Variants in TTN observed in about 807,000 individuals in gnomAD.
TTN encodes titin.
Under a neutral mutation model 3,223.0 loss-of-function variants are expected in TTN, and 1,525 were observed. The ratio of observed to expected loss-of-function variants is 0.47; its 90% CI spans 0.45 to 0.49. The LOEUF (loss-of-function observed/expected upper bound fraction) is 0.49, where lower values mean the gene tolerates loss of function less well. Ranked by LOEUF, TTN falls within the 20% of genes least tolerant of loss-of-function variation. The pLI, the probability that TTN is intolerant of heterozygous loss-of-function variation, is 0.00. For synonymous variants in TTN, 14,094 were observed against 15,161.0 expected (o/e 0.93, Z 5.17); for missense variants, 40,786 against 43,424.0 (o/e 0.94, Z 5.40).
At position 178,607,889 on chromosome 2, in the gene TTN, TC is replaced by T; in HGVS notation, c.52897del (p.Glu17633LysfsTer12). 6.2e-7 allele frequency: 1 copy of T among 1,613,058 alleles called. No homozygotes were observed. Among genetic ancestry groups the T allele is most frequent in the Non-Finnish European group, 8.5e-7 (1 of 1,179,330 alleles). On this transcript the variant is annotated frameshift_variant, in exon 276 of 363. Transcript: ENST00000589042. LOFTEE classifies it high-confidence loss of function. ...TTTGTAATCAGCACCCTCTCGGATT[TC>T]TTTGACGGTGTACTGACGGACCTTG... ...MIKVRQYTVK[E>X]IREGADYKLR...
rs2048289282 is a variant in TTN at position 178,583,673 on chromosome 2, T to A, written c.65509A>T (p.Arg21837Trp). 6.2e-7 allele frequency: 1 copy of A among 1,612,248 alleles called. No individual in the cohort carries two copies. Among genetic ancestry groups the A allele is most frequent in the Non-Finnish European group, 8.5e-7 (1 of 1,179,154 alleles). Reference sequence around the variant, plus strand: ...GGTGGGCTAATGTTTACCGCGGTCCTGGCAATAGCTCTAAATTGATACTGA... The same window carrying A: ...GGTGGGCTAATGTTTACCGCGGTCCAGGCAATAGCTCTAAATTGATACTGA... ...KAQYQFRAIA[R>W]TAVNISPPSE... The change falls in exon 312 of 363, where the codon AGG becomes TGG. Residue 21837 changes from arginine to tryptophan, a missense_variant. By Grantham distance (101) the Arg-to-Trp change is moderately radical (BLOSUM62 -3). Coordinates refer to ENST00000589042, the MANE Select transcript of TTN (RefSeq NM_001267550.2).
At position 178,581,769 on chromosome 2, in the gene TTN, C is replaced by G. The variant is rs2047803841; in HGVS notation, c.66499G>C (p.Asp22167His). 1 of 1,603,142 alleles carries G rather than the reference C, an allele frequency of 6.2e-7. No homozygotes were observed. Among genetic ancestry groups the G allele is most frequent in the South Asian group, 1.1e-5 (1 of 89,824 alleles). ...AGACTCACAGAGCTGCGAGTTGTATCATATACTTTAGGGAAAGCCGGTGGG... is the reference window on the plus strand; with the variant it reads ...AGACTCACAGAGCTGCGAGTTGTATGATATACTTTAGGGAAAGCCGGTGGG... ...PGPPAFPKVY[D>H]TTRSSVSLSW... The change falls in exon 316 of 363, where the codon GAT (aspartate) becomes CAT (histidine). Residue 22167 changes from aspartate to histidine, a missense_variant. Asp to His is a moderately conservative substitution (Grantham distance 81). Coordinates refer to ENST00000589042, the MANE Select transcript of TTN (RefSeq NM_001267550.2).
rs763733251 is a variant in TTN at position 178,775,701 on chromosome 2, C to T, written c.6163G>A (p.Glu2055Lys). Residue 2055 changes from glutamate to lysine, a missense_variant, in exon 28 of 363, where the codon GAA (glutamate) becomes AAA (lysine). Physicochemically the swap from Glu to Lys is moderately conservative, Grantham distance 56. Coordinates refer to ENST00000589042, the MANE Select transcript of TTN (RefSeq NM_001267550.2). ...LTEEEKKALA[E>K]EGKITIPTFK... ...GTTGGAATCGTGATTTTGCCTTCTT[C>T]GGCAAGAGCTTTCTTTTCCTCTTCA... 94 of 1,613,992 alleles carry T rather than the reference C, an allele frequency of 5.8e-5. 1 individual carries two copies. In the East Asian group the frequency reaches 9.8e-4, roughly 17 times the overall value.
chr2:178,693,371 G>T (rs1219488070), intron 119 of TTN, among the ~76,000 whole-genome samples: 1 of 152,016 alleles, frequency 6.6e-6, no homozygotes, highest in Non-Finnish European at 1.5e-5. Context: ...CCAAGTAACA[G>T]GTTACGAGAT....
Position 178,573,305 on chromosome 2 carries a change from GT to G in TTN, c.72826del (p.Thr24276LeufsTer5), listed in dbSNP as rs971618751. On this transcript the variant is annotated frameshift_variant, in exon 326 of 363. Coordinates refer to ENST00000589042, the MANE Select transcript of TTN (RefSeq NM_001267550.2). LOFTEE classifies it high-confidence loss of function. ...CACTTTATATCTTAAATCAGTAAGA[GT>G]TTTTTTGTTGCATTTAATCCAGCGT... ...GQRWIKCNKKTLTDLRYKVSG... is the reference protein window; with the variant it reads ...GQRWIKCNKKXLTDLRYKVSG... The G allele has an allele frequency of 1.3e-6, 2 of 1,577,638 alleles. No homozygotes were observed. The highest frequency in any genetic ancestry group is 1.8e-5 in the Admixed American group (1 of 54,656).
intron 43 of TTN, 90 bp from the exon 44 acceptor site, chr2:178,759,262 G>A: frequency 7.8e-7 from 1 of 1,285,548 alleles, no homozygotes; most frequent in Admixed American, 1.7e-5. Flanking sequence ...TAATACTAGT[G>A]CCTACATTTC....
At position 178,730,103 on chromosome 2, in the gene TTN, G is replaced by C. The variant is rs764712226; in HGVS notation, c.18297C>G (p.Leu6099=). Residue 6099 remains leucine, a synonymous_variant, in exon 62 of 363, where the codon CTC becomes CTG. Transcript: ENST00000589042. The part of the protein sequence containing the change: ...DVGTATSKAT[L]FVKEPPQFIK... ...ATGTAGAGACCAGACCTTTTACAAAGAGAGTGGCTTTGCTGGTTGCTGTGC... is the reference window on the plus strand; with the variant it reads ...ATGTAGAGACCAGACCTTTTACAAACAGAGTGGCTTTGCTGGTTGCTGTGC... The C allele has an allele frequency of 8.7e-6, 12 of 1,385,742 alleles. No individual in the cohort carries two copies. In the Admixed American group the frequency reaches 1.9e-4, roughly 22 times the overall value. 85.8% of individuals were successfully genotyped at this position (1,385,742 alleles called of 1,614,324 possible).
chr2:178,801,999 T>C, intron 3 of TTN, 139 bp downstream of exon 3: 2 of 1,038,942 alleles, frequency 1.9e-6, no homozygotes, highest in Non-Finnish European at 2.9e-6. Flanking sequence ...TGGTTATAAA[T>C]AATTCAGCCT....
chr2:178,768,249 T>G, intron 38 of TTN, 94 bp from the exon 39 acceptor site: 2 of 1,385,968 alleles, frequency 1.4e-6, no homozygotes, highest in South Asian at 2.4e-5. Flanking sequence ...AAGTATACAA[T>G]TCAATGAATT....
chr2:178,781,190 C>T lies in TTN; in HGVS notation c.3454G>A (p.Gly1152Arg), dbSNP rs1258678741. ...TTGCGAACAACAATAGTGTATTCTC[C>T]AGCATCATCAGCAAAAGTCATAGAA... Reference protein sequence around the residue: ...VISMTFADDAGEYTIVVRNKH... With the variant: ...VISMTFADDAREYTIVVRNKH... The change falls in exon 21 of 363, where the codon GGA (glycine) becomes AGA (arginine). Residue 1152 changes from glycine to arginine, a missense_variant. Physicochemically the swap from Gly to Arg is moderately radical, Grantham distance 125. Coordinates refer to ENST00000589042, the MANE Select transcript of TTN (RefSeq NM_001267550.2). 6.2e-7 allele frequency: 1 copy of T among 1,614,038 alleles called. No individual in the cohort carries two copies. Among genetic ancestry groups the T allele is most frequent in the South Asian group, 1.1e-5 (1 of 91,080 alleles).
At position 178,768,030 on chromosome 2, in the gene TTN, G is replaced by A. The variant is rs746393028; in HGVS notation, c.9289C>T (p.Leu3097=). 6.2e-7 allele frequency: 1 copy of A among 1,614,152 alleles called. No homozygotes were observed. The highest frequency in any genetic ancestry group is 1.7e-5 in the Admixed American group (1 of 60,022). ...ACAACTGACCTGTCTGTGATCTGCA[G>A]TTCCTGGTCATCTTTCATCCACTGT... ...TVQWMKDDQE[L]QITDRIKIQK... is the part of the protein sequence containing the mutation. The change falls in exon 39 of 363, where the codon CTG becomes TTG. Residue 3097 remains leucine (L), a synonymous_variant. Transcript: ENST00000589042.
intron 17 of TTN, 42 bp downstream of exon 17, chr2:178,783,678 G>A (rs770553502): frequency 2.7e-6 from 4 of 1,481,342 alleles, no homozygotes; most frequent in Non-Finnish European, 2.8e-6. Flanking sequence ...ATGATTTGAG[G>A]AGATATGAAT....
chr2:178,746,121 A>G, intron 47 of TTN: 1 of 1,613,442 alleles, frequency 6.2e-7, no homozygotes. Flanking sequence ...CTAATCACGT[A>G]TTTAATATTA....
rs1704092253 is a variant in TTN at position 178,562,570 on chromosome 2, T to G, written c.83562A>C (p.Thr27854=). Residue 27854 remains threonine, a synonymous_variant, in exon 326 of 363, where the codon ACA becomes ACC. Coordinates refer to ENST00000589042, the MANE Select transcript of TTN (RefSeq NM_001267550.2). ...NEYGIGLPAE[T]TEPVKVSEPP... ...GTTCAGACACTTTAACGGGTTCTGT[T>G]GTTTCAGCTGGCAAACCAATCCCAT... 1 of 1,611,120 alleles carries G rather than the reference T, an allele frequency of 6.2e-7. No individual in the cohort carries two copies. The highest frequency in any genetic ancestry group is 8.5e-7 in the Non-Finnish European group (1 of 1,178,762).
Position 178,728,687 on chromosome 2 carries a change from T to C in TTN, c.19239A>G (p.Glu6413=). 1.2e-6 allele frequency: 2 copies of C among 1,613,416 alleles called. No individual in the cohort carries two copies. Among genetic ancestry groups the C allele is most frequent in the Non-Finnish European group, 1.7e-6 (2 of 1,179,570 alleles). ...CGTCTTTAAGCCATTTCACTTTGAGTTCTGGTGTTCCAGCCACAACACATT... is the reference window on the plus strand; with the variant it reads ...CGTCTTTAAGCCATTTCACTTTGAGCTCTGGTGTTCCAGCCACAACACATT... The part of the protein sequence containing the change: ...TLECVVAGTP[E]LKVKWLKDGK... Residue 6413 remains glutamate, a synonymous_variant, in exon 66 of 363, where the codon GAA becomes GAG. Transcript: ENST00000589042.
intron 217 of TTN, chr2:178,645,610 T>C (rs1316166992): frequency 2.0e-5 from 4 of 198,986 alleles, no homozygotes; most frequent in Non-Finnish European, 4.0e-5. Flanking sequence ...TGTATAGCAA[T>C]CAGGCTTTGA....
chr2:178,752,316 T>C (rs1419354431), intron 47 of TTN, among the ~76,000 whole-genome samples: 1 of 152,094 alleles, frequency 6.6e-6, no homozygotes, highest in African/African-American at 2.4e-5. Context: ...CATGTTCCTG[T>C]GCATATTTGT....
At chr2:178,765,186 A>T (rs2154340171) in intron 41 of TTN, among the ~76,000 whole-genome samples, 1 of 152,324 alleles carries the variant, frequency 6.6e-6, no homozygotes, top group South Asian at 2.1e-4. Context: ...TGGACAAATC[A>T]TGTGGTGAAG....
In TTN at chr2:178,665,755, T is replaced by A; in HGVS notation, c.35912A>T (p.Glu11971Val). 7.6e-7 allele frequency: 1 copy of A among 1,308,136 alleles called. No homozygotes were observed. 81.0% of individuals were successfully genotyped at this position (1,308,136 alleles called of 1,614,324 possible). A position where few individuals can be genotyped will look rare whatever the true frequency, so the allele number is the denominator to read the frequency against. The change falls in exon 164 of 363, where the codon GAA (glutamate) becomes GTA (valine). Residue 11971 changes from glutamate to valine, a missense_variant. Transcript: ENST00000589042. ...ESPREIVPVK[E>V]TPMAAPLEIE... is the part of the protein sequence containing the mutation. ...TTCAAGGGGAGCAGCCATGGGTGTT[T>A]CCTTTACAGGGACAATTTCTCGAGG...
Sources: allele counts gnomAD v4.1 joint callset (sites outside exome capture counted in the v4.1 genomes callset), GRCh38; gene constraint gnomAD v4.1.1; transcripts MANE v1.5; gene names NCBI Gene and HGNC (gene_info 2026-07-23, HGNC 2026-07-21).